Variants in TMEM225 observed in about 807,000 individuals in gnomAD.
TMEM225 encodes PMP22 claudin domain-containing protein.
A neutral mutation model predicts 17.6 loss-of-function variants in TMEM225; 10 were observed. The observed-to-expected ratio is 0.57, with a 90% CI of 0.35 to 0.96. TMEM225 has a LOEUF of 0.96. TMEM225 is among the 40% of genes least tolerant of loss of function. TMEM225 has a pLI of 0.02. For synonymous variants in TMEM225, 101 were observed against 94.5 expected, an observed-to-expected ratio of 1.07 and a Z score of -0.40; for missense variants, 245 against 271.5, an observed-to-expected ratio of 0.90 and a Z score of 0.69.
intron 3 of TMEM225, among the ~76,000 whole-genome samples, chr11:123,883,818 G>A (rs1024476886): frequency 3.0e-4 from 46 of 152,218 alleles, no homozygotes; most frequent in African/African-American, 1.0e-3. Context: ...CTGCCCCAAA[G>A]CGGGGAGGGT....
Position 123,883,509 on chromosome 11 carries a change from G to A in TMEM225, c.464-157C>T, listed in dbSNP as rs112085211. ...GGTGAATGCTTTAGTGGAAGAAACCGGAAGTGTATGTACAATAGCTTAAAT... is the reference window on the plus strand; with the variant it reads ...GGTGAATGCTTTAGTGGAAGAAACCAGAAGTGTATGTACAATAGCTTAAAT... On this transcript the variant is annotated intron_variant, in intron 3 of 3. Coordinates refer to ENST00000375026, the MANE Select transcript of TMEM225 (RefSeq NM_001013743.3). 5.0e-3 allele frequency among the ~76,000 whole-genome samples: 766 copies of A among 152,202 alleles called. 4 individuals are homozygous for A. Among genetic ancestry groups the A allele is most frequent in the African/African-American group, 0.017 (705 of 41,546 alleles).
chr11:123,884,018 C>T lies in TMEM225; in HGVS notation c.463+57G>A. ...CTCTATTCTCATCTTTTTACCCTTC[C>T]CTCTGTCGGGGATGGATTGGTTCTT... On this transcript the variant is annotated intron_variant, in intron 3 of 3. Transcript: ENST00000375026. The T allele has an allele frequency of 4.0e-6, 6 of 1,513,468 alleles. No individual in the cohort carries two copies. The South Asian group carries it at 6.8e-5, about 17-fold the overall frequency. The allele number at this position is 1,513,468 out of a possible 1,614,324, so 93.8% of individuals were successfully genotyped here. A position where few individuals can be genotyped will look rare whatever the true frequency, so the allele number is the denominator to read the frequency against.
Position 123,883,149 on chromosome 11 carries a change from A to G in TMEM225, c.667T>C (p.Trp223Arg). The G allele has an allele frequency of 6.2e-7, 1 of 1,613,286 alleles. No homozygotes were observed. The change falls in exon 4 of 4, where the codon TGG (tryptophan) becomes CGG (arginine). Residue 223 changes from tryptophan (W) to arginine (R), a missense_variant. Coordinates refer to ENST00000375026, the MANE Select transcript of TMEM225 (RefSeq NM_001013743.3). ...NKKVQTRHVT[W>R]AL ...AATAGATTGCCAAATCACAGAGCCC[A>G]GGTTACGTGACGTGTTTGGACTTTT...
intron 2 of TMEM225, 112 bp downstream of exon 2, chr11:123,884,378 T>C: frequency 7.7e-7 from 1 of 1,302,818 alleles, no homozygotes; most frequent in Non-Finnish European, 1.0e-6. Flanking sequence ...GCTTTTATGG[T>C]AGATCTAACT....
intron 3 of TMEM225, 117 bp downstream of exon 3, chr11:123,883,958 G>T: frequency 1.8e-6 from 2 of 1,117,640 alleles, no homozygotes; most frequent in Non-Finnish European, 2.4e-6. Flanking sequence ...CAGGTGAGCT[G>T]CAGCCTTTTA....
Position 123,884,165 on chromosome 11 carries a change from T to C in TMEM225, c.373A>G (p.Lys125Glu). Residue 125 changes from lysine to glutamate, a missense_variant, in exon 3 of 4, where the codon AAG becomes GAG. Transcript: ENST00000375026. ...WALILYHNKL[K>E]QGQSMHFSSY... is the part of the protein sequence containing the mutation. Reference sequence around the variant, plus strand: ...GAGAAGTGCATGGATTGACCTTGCTTCAGCTTATTGTGATATAGTATGAGT... The same window carrying C: ...GAGAAGTGCATGGATTGACCTTGCTCCAGCTTATTGTGATATAGTATGAGT... 6.2e-7 allele frequency: 1 copy of C among 1,609,720 alleles called. No homozygotes were observed. Among genetic ancestry groups the C allele is most frequent in the Non-Finnish European group, 8.5e-7 (1 of 1,178,884 alleles).
At chr11:123,884,035 T>C in intron 3 of TMEM225, 40 bp downstream of exon 3, 1 of 1,563,758 alleles carries the variant, frequency 6.4e-7, no homozygotes, top group Non-Finnish European at 8.6e-7. Flanking sequence ...CGGGGATGGA[T>C]TGGTTCTTAA....
In TMEM225 at chr11:123,885,632, G is replaced by A; in HGVS notation, c.-207C>T. 1 of 567,736 alleles carries A rather than the reference G, an allele frequency of 1.8e-6. No individual in the cohort carries two copies. The highest frequency in any genetic ancestry group is 3.1e-6 in the Non-Finnish European group (1 of 324,208). 35.2% of individuals were successfully genotyped at this position (567,736 alleles called of 1,614,324 possible). On this transcript the variant is annotated 5_prime_UTR_variant, in exon 1 of 4. Transcript: ENST00000375026. ...CGTTATCTATCAGGGCCAGCCTGCT[G>A]TCAGGACTGCCAACTGCCATGGAAT...
Position 123,885,377 on chromosome 11 carries a change from A to G in TMEM225, c.49T>C (p.Ser17Pro). The change falls in exon 1 of 4, where the codon TCC (serine) becomes CCC (proline). Residue 17 changes from serine (S) to proline (P), a missense_variant. Coordinates refer to ENST00000375026, the MANE Select transcript of TMEM225 (RefSeq NM_001013743.3). ...RSIQGMNILFSSWAVVLMVMG... is the reference protein window; with the variant it reads ...RSIQGMNILFPSWAVVLMVMG... ...ACCATTAAGACTACGGCCCAGGAGG[A>G]GAAAAGTATGTTCATACCCTGGATA... The G allele has an allele frequency of 6.2e-7, 1 of 1,613,492 alleles. No homozygotes were observed.
intron 3 of TMEM225, 84 bp from the exon 4 acceptor site, chr11:123,883,436 G>A: frequency 9.7e-7 from 1 of 1,034,150 alleles, no homozygotes; most frequent in Non-Finnish European, 1.5e-6. Context: ...TGAAGACCCT[G>A]ACCCAAAGCC....
chr11:123,883,932 C>T, intron 3 of TMEM225, 143 bp downstream of exon 3: 1 of 875,388 alleles, frequency 1.1e-6, no homozygotes, highest in Non-Finnish European at 1.6e-6. Context: ...GAGGAACTGT[C>T]ATCAGAGAAT....
chr11:123,884,668 C>A, intron 1 of TMEM225, 32 bp from the exon 2 acceptor site: 7 of 1,593,524 alleles, frequency 4.4e-6, no homozygotes, highest in Non-Finnish European at 6.0e-6. Context: ...TTTGAGAGGA[C>A]AGATATTTCT....
Position 123,884,222 on chromosome 11 carries a change from CAAA to C in TMEM225, c.329-16_329-14del, listed in dbSNP as rs61366176. 0.013 allele frequency: 14,979 copies of C among 1,196,032 alleles called. No individual in the cohort carries two copies. Among genetic ancestry groups the C allele is most frequent in the East Asian group, 0.021 (672 of 31,540 alleles). The allele number at this position is 1,196,032 out of a possible 1,614,324, so 74.1% of individuals were successfully genotyped here. ...AGCAGAGAGATACCTGATGTCCAGA[CAAA>C]AAAAAAAAAAAAAAAAGAAAAAGAA... On this transcript the variant is annotated splice_polypyrimidine_tract_variant and intron_variant, in intron 2 of 3. Coordinates refer to ENST00000375026, the MANE Select transcript of TMEM225 (RefSeq NM_001013743.3).
intron 1 of TMEM225, 48 bp downstream of exon 1, chr11:123,885,197 G>T (rs1488688394): frequency 4.5e-6 from 7 of 1,561,270 alleles, no homozygotes; most frequent in Non-Finnish European, 6.1e-6. Context: ...CCAAGTTAAG[G>T]ACACACCCTT....
At chr11:123,884,025 C>G in intron 3 of TMEM225, 50 bp downstream of exon 3, 1 of 1,538,242 alleles carries the variant, frequency 6.5e-7, no homozygotes, top group Non-Finnish European at 8.7e-7. Context: ...TTCCCTCTGT[C>G]GGGGATGGAT....
chr11:123,885,246 T>A lies in TMEM225; in HGVS notation c.180A>T (p.Glu60Asp). ...WMMCCPALWP[E>D]DDLKVVRIMM... Reference sequence around the variant, plus strand: ...CTCTTTCTAGAGTACAGTTCTGACCTTCTGGCCAAAGAGCAGGGCAACACA... The same window carrying A: ...CTCTTTCTAGAGTACAGTTCTGACCATCTGGCCAAAGAGCAGGGCAACACA... Residue 60 changes from glutamate to aspartate, a missense_variant and splice_region_variant, in exon 1 of 4, where the codon GAA becomes GAT. Transcript: ENST00000375026. 6.2e-7 allele frequency: 1 copy of A among 1,613,022 alleles called. No individual in the cohort carries two copies. The highest frequency in any genetic ancestry group is 8.5e-7 in the Non-Finnish European group (1 of 1,179,346).
chr11:123,885,297 G>C lies in TMEM225; in HGVS notation c.129C>G (p.Ala43=), dbSNP rs780380919. ...WVELISEDER[A]KMNHSPWMMC... is the part of the protein sequence containing the mutation. The stretch of plus-strand genomic sequence containing the variant: ...TCATCCAAGGACTGTGGTTCATCTT[G>C]GCTCTTTCATCTTCTGAAATCAATT... The change falls in exon 1 of 4, where the codon GCC becomes GCG. Residue 43 remains alanine, a synonymous_variant. Coordinates refer to ENST00000375026, the MANE Select transcript of TMEM225 (RefSeq NM_001013743.3). The C allele has an allele frequency of 1.9e-6, 3 of 1,613,496 alleles. No individual in the cohort carries two copies. The South Asian group carries it at 3.3e-5, about 18-fold the overall frequency.
Position 123,884,587 on chromosome 11 carries a change from G to A in TMEM225, c.231C>T (p.Ser77=). 2 of 1,613,356 alleles carry A rather than the reference G, an allele frequency of 1.2e-6. No homozygotes were observed. The highest frequency in any genetic ancestry group is 1.7e-6 in the Non-Finnish European group (2 of 1,179,580). Residue 77 remains serine, a synonymous_variant, in exon 2 of 4, where the codon TCC becomes TCT. Transcript: ENST00000375026. ...RIMMTSSLGL[S]FLLNLILGMK... ...TACCCAGGATTAAGTTAAGGAGGAA[G>A]GAAAGGCCAAGGCTCGACGTCATCA...
Position 123,885,488 on chromosome 11 carries a change from A to G in TMEM225, c.-63T>C. On this transcript the variant is annotated 5_prime_UTR_variant, in exon 1 of 4. Coordinates refer to ENST00000375026, the MANE Select transcript of TMEM225 (RefSeq NM_001013743.3). Reference sequence around the variant, plus strand: ...TTTTGTAGATCTCTTCCTTGATTTGATTAGTTACAAGAAGGGTGATATCTG... The same window carrying G: ...TTTTGTAGATCTCTTCCTTGATTTGGTTAGTTACAAGAAGGGTGATATCTG... 1 of 1,497,100 alleles carries G rather than the reference A, an allele frequency of 6.7e-7. No individual in the cohort carries two copies. The highest frequency in any genetic ancestry group is 1.3e-5 in the South Asian group (1 of 78,766). 92.7% of individuals were successfully genotyped at this position (1,497,100 alleles called of 1,614,324 possible).
Sources: gnomAD v4.1 joint callset for allele counts (sites outside exome capture counted in the v4.1 genomes callset) on GRCh38, gnomAD v4.1.1 for gene constraint, MANE v1.5 for transcripts, NCBI Gene and HGNC (gene_info 2026-07-23, HGNC 2026-07-21) for gene names.